PSAP: variants seen among roughly 807,000 people sequenced by gnomAD.
PSAP encodes prosaposin.
A neutral mutation model predicts 66.0 loss-of-function variants in PSAP; 25 were observed. The observed-to-expected ratio is 0.38, with a 90% CI of 0.28 to 0.53. PSAP has a LOEUF of 0.53. Ranked by LOEUF, PSAP falls within the 20% of genes least tolerant of loss-of-function variation. The pLI, the probability that PSAP is intolerant of heterozygous loss-of-function variation, is 0.83. For synonymous variants in PSAP, 273 were observed against 258.9 expected, an observed-to-expected ratio of 1.05 and a Z score of -0.52; for missense variants, 649 against 668.8, an observed-to-expected ratio of 0.97 and a Z score of 0.33.
intron 1 of PSAP, among the ~76,000 whole-genome samples, chr10:71,849,431 T>A (rs1478037243): frequency 1.3e-5 from 2 of 152,120 alleles, no homozygotes; most frequent in Admixed American, 6.5e-5. Context: ...ATATAGTTAC[T>A]AAAAAACAGA....
At chr10:71,824,607 C>A (rs542813748) in intron 7 of PSAP, among the ~76,000 whole-genome samples, 2 of 152,294 alleles carry the variant, frequency 1.3e-5, no homozygotes, top group African/African-American at 4.8e-5. Flanking sequence ...CTTCTATGTA[C>A]ACAGGTGATT....
At chr10:71,849,461 T>G (rs1167241546) in intron 1 of PSAP, among the ~76,000 whole-genome samples, 1 of 151,956 alleles carries the variant, frequency 6.6e-6, no homozygotes, top group East Asian at 1.9e-4. Flanking sequence ...GGGGGCTGGG[T>G]GCGGTGTCTC....
chr10:71,850,674 A>T (rs902641357), intron 1 of PSAP, among the ~76,000 whole-genome samples: 2 of 152,272 alleles, frequency 1.3e-5, no homozygotes, highest in African/African-American at 4.8e-5. Flanking sequence ...CCTAGAATCC[A>T]GAGTAAATAC....
At chr10:71,841,115 G>T (rs1207764412) in intron 1 of PSAP, among the ~76,000 whole-genome samples, 1 of 152,178 alleles carries the variant, frequency 6.6e-6, no homozygotes, top group East Asian at 1.9e-4. Flanking sequence ...GCAAGTGGAG[G>T]CAGGGGTCAG....
intron 1 of PSAP, among the ~76,000 whole-genome samples, chr10:71,850,962 C>G (rs375913726): frequency 1.2e-4 from 19 of 152,380 alleles, no homozygotes; most frequent in Middle Eastern, 3.4e-3. Flanking sequence ...TGCCCAGGGC[C>G]TGGGCCGTCC....
chr10:71,841,234 C>A (rs569053983), intron 1 of PSAP, among the ~76,000 whole-genome samples: 1 of 152,260 alleles, frequency 6.6e-6, no homozygotes, highest in African/African-American at 2.4e-5. Context: ...GGCTCCCACA[C>A]TGAGCATTGC....
chr10:71,835,320 T>C (rs1842599976), intron 1 of PSAP, among the ~76,000 whole-genome samples: 1 of 152,128 alleles, frequency 6.6e-6, no homozygotes, highest in African/African-American at 2.4e-5. Flanking sequence ...CGGTGGCTCA[T>C]GCCTATAATC....
chr10:71,823,816 C>CAAAAA, intron 7 of PSAP: 1 of 968,926 alleles, frequency 1.0e-6, no homozygotes. Flanking sequence ...ATGCCATACC[C>CAAAAA]AAAAAAAAAA....
intron 1 of PSAP, among the ~76,000 whole-genome samples, chr10:71,848,069 TC>T (rs1842854235): frequency 6.6e-6 from 1 of 152,148 alleles, no homozygotes; most frequent in Non-Finnish European, 1.5e-5. Context: ...CGCTCCTTTT[TC>T]CACCAGAGGA....
chr10:71,849,651 C>CT (rs906947589), intron 1 of PSAP, among the ~76,000 whole-genome samples: 120 of 152,146 alleles, frequency 7.9e-4, no homozygotes, highest in African/African-American at 2.8e-3. Flanking sequence ...AAAAAACGGC[C>CT]AATAGCGTGC....
At chr10:71,836,650 G>C (rs1164235963) in intron 1 of PSAP, among the ~76,000 whole-genome samples, 1 of 152,162 alleles carries the variant, frequency 6.6e-6, no homozygotes, top group Non-Finnish European at 1.5e-5. Flanking sequence ...CCAGAGCCAA[G>C]ACAGAGGAGT....
In PSAP at chr10:71,822,450, T is replaced by C. The variant is rs1260693288; in HGVS notation, c.778-443A>G. ...GTGTTAGAAATAAAACCACACCAGA[T>C]TTTTCAGCGGCAGGACCATTTAAAA... On this transcript the variant is annotated intron_variant, in intron 7 of 13. Coordinates refer to ENST00000394936, the MANE Select transcript of PSAP (RefSeq NM_002778.4). Among the ~76,000 whole-genome samples, 5 of 152,130 alleles carry C rather than the reference T, an allele frequency of 3.3e-5. No homozygotes were observed. In the South Asian group the frequency reaches 8.3e-4, roughly 25 times the overall value.
rs1269293284 is a variant in PSAP at position 71,826,299 on chromosome 10, T to C, written c.721-406A>G. ...GCCATTTACACAATCTCAGATGGCA[T>C]TATAAAGCTTAAATCCAGTAGAGTC... On this transcript the variant is annotated intron_variant, in intron 6 of 13. Coordinates refer to ENST00000394936, the MANE Select transcript of PSAP (RefSeq NM_002778.4). Among the ~76,000 whole-genome samples the C allele has an allele frequency of 3.3e-5, 5 of 152,202 alleles. No homozygotes were observed. In the East Asian group the frequency reaches 5.8e-4, roughly 18 times the overall value.
intron 1 of PSAP, among the ~76,000 whole-genome samples, chr10:71,846,334 C>A (rs1430428181): frequency 6.7e-6 from 1 of 149,914 alleles, no homozygotes; most frequent in Non-Finnish European, 1.5e-5. Context: ...TTTGGAACTT[C>A]ATGTAATAAA....
chr10:71,818,748 A>G, intron 12 of PSAP, 24 bp from the exon 13 acceptor site: 1 of 1,575,836 alleles, frequency 6.3e-7, no homozygotes, highest in Non-Finnish European at 8.7e-7. Flanking sequence ...AAAGGAAAGA[A>G]GAAAGGGGGA....
intron 2 of PSAP, among the ~76,000 whole-genome samples, chr10:71,833,774 G>A (rs948101260): frequency 2.0e-5 from 3 of 152,180 alleles, no homozygotes; most frequent in Non-Finnish European, 2.9e-5. Flanking sequence ...ACATTAATAC[G>A]CTACATTTAG....
intron 2 of PSAP, among the ~76,000 whole-genome samples, chr10:71,833,820 A>G (rs1279221411): frequency 6.6e-6 from 1 of 152,246 alleles, no homozygotes; most frequent in Non-Finnish European, 1.5e-5. Flanking sequence ...TAGCTTCCTC[A>G]GTGTGGTTAC....
At chr10:71,820,619 C>T (rs926650968) in intron 8 of PSAP, among the ~76,000 whole-genome samples, 2 of 152,066 alleles carry the variant, frequency 1.3e-5, no homozygotes, top group Admixed American at 1.3e-4. Context: ...TTCCCCACCC[C>T]GAAGAGCTGT....
In PSAP at chr10:71,820,305, A is replaced by G. The variant is rs202041927; in HGVS notation, c.940T>C (p.Tyr314His). Residue 314 changes from tyrosine (Y) to histidine (H), a missense_variant, in exon 9 of 14, where the codon TAC becomes CAC. Coordinates refer to ENST00000394936, the MANE Select transcript of PSAP (RefSeq NM_002778.4). ...ACCAGGAATTCACACACCTCACAGT[A>G]AACATCAGACTTTGCTGGGACCTCG... ...KHEVPAKSDV[Y>H]CEVCEFLVKE... 11 of 1,614,170 alleles carry G rather than the reference A, an allele frequency of 6.8e-6. No homozygotes were observed. The African/African-American group carries it at 1.3e-4, about 20-fold the overall frequency.
Sources: gnomAD v4.1 joint callset for allele counts (sites outside exome capture counted in the v4.1 genomes callset) on GRCh38, gnomAD v4.1.1 for gene constraint, MANE v1.5 for transcripts, NCBI Gene and HGNC (gene_info 2026-07-23, HGNC 2026-07-21) for gene names.